The following EBF4 variants were observed in gnomAD, a reference collection of about 807,000 sequenced individuals.
EBF4 encodes EBF transcription factor 4.
A neutral mutation model predicts 67.1 loss-of-function variants in EBF4; 34 were observed. The ratio of observed to expected loss-of-function variants is 0.51; its 90% CI spans 0.39 to 0.67. The LOEUF is 0.67. EBF4 is among the 30% of genes least tolerant of loss of function. The probability of loss-of-function intolerance (pLI) is 0.00; values close to 1 mark genes in which losing one functional copy is unlikely to be tolerated. For missense variants in EBF4, 837 were observed against 873.3 expected, an observed-to-expected ratio of 0.96 and a Z score of 0.52; for synonymous variants, 387 against 377.7, an observed-to-expected ratio of 1.02 and a Z score of -0.29.
At chr20:2,701,171 G>A (rs1485456226) in intron 1 of EBF4, among the ~76,000 whole-genome samples, 1 of 152,234 alleles carries the variant, frequency 6.6e-6, no homozygotes, top group Non-Finnish European at 1.5e-5. Context: ...TGTGAGCCTG[G>A]GAGGATGAGT....
At chr20:2,705,826 CACACACACACA>C in intron 2 of EBF4, 93 bp downstream of exon 2, 1 of 1,390,952 alleles carries the variant, frequency 7.2e-7, no homozygotes, top group East Asian at 2.5e-5. Context: ...CACACACACA[CACACACACACA>C]CTGGGACAGA....
At chr20:2,728,025 A>G (rs1472918410) in intron 6 of EBF4, among the ~76,000 whole-genome samples, 2 of 152,198 alleles carry the variant, frequency 1.3e-5, no homozygotes, top group East Asian at 1.9e-4. Context: ...TTTTCACCCT[A>G]TTAATTGTGT....
intron 1 of EBF4, among the ~76,000 whole-genome samples, chr20:2,697,328 G>C (rs901537829): frequency 6.7e-6 from 1 of 150,302 alleles, no homozygotes; most frequent in East Asian, 1.9e-4. Flanking sequence ...GGCAGATCAC[G>C]AGGTCAGGAG....
intron 1 of EBF4, among the ~76,000 whole-genome samples, chr20:2,698,864 G>A (rs1349622457): frequency 6.6e-6 from 1 of 152,174 alleles, no homozygotes; most frequent in Non-Finnish European, 1.5e-5. Flanking sequence ...GTTTTGGTGG[G>A]GAGAAGGGAA....
At chr20:2,744,492 C>CTTTTTTTTTTTTTTTTTTTCT (rs35298353) in intron 6 of EBF4, among the ~76,000 whole-genome samples, 7 of 115,894 alleles carry the variant, frequency 6.0e-5, no homozygotes, top group East Asian at 2.4e-4. Context: ...TTTTTCTTTT[C>CTTTTTTTTTTTTTTTTTTTCT]TTTTTTTTTT....
exon 14 of EBF4, chr20:2,752,498 G>T: frequency 7.9e-7 from 1 of 1,258,608 alleles, no homozygotes; most frequent in South Asian, 3.1e-5. Context: ...GGCGTGCCTG[G>T]GTCCCCCAGC....
intron 6 of EBF4, among the ~76,000 whole-genome samples, chr20:2,744,834 A>G (rs541966771): frequency 2.0e-5 from 3 of 152,256 alleles, no homozygotes; most frequent in African/African-American, 7.2e-5. Context: ...TAGCCACAAG[A>G]AACTGATACA....
chr20:2,754,975 C>T (rs1446915287), intron 14 of EBF4: 1 of 105,126 alleles, frequency 9.5e-6, no homozygotes, highest in African/African-American at 2.9e-5. Context: ...AGACCACCCC[C>T]CCCCACAGGG....
chr20:2,705,976 G>T (rs976119296), exon 3 of EBF4: 1 of 1,551,364 alleles, frequency 6.4e-7, no homozygotes, highest in African/African-American at 1.4e-5. Context: ...CCCTGCAGGA[G>T]CCCGGGGCGG....
At position 2,741,769 on chromosome 20, in the gene EBF4, T is replaced by C. The variant is rs541103277; in HGVS notation, c.558-6780T>C. On this transcript the variant is annotated intron_variant, in intron 6 of 16. Coordinates refer to ENST00000609451, the Ensembl canonical transcript of EBF4. The stretch of plus-strand genomic sequence containing the variant: ...TACTTCATTAGTTGGATGACCACTG[T>C]TCACAGCTCTTCTTCTGGTCTTTCA... 1.1e-4 allele frequency among the ~76,000 whole-genome samples: 16 copies of C among 152,326 alleles called. 1 individual carries two copies. The South Asian group carries it at 3.3e-3, about 32-fold the overall frequency.
rs901246510 is a variant in EBF4, at chr20:2,745,317, G to A, written c.558-3232G>A. 5.3e-5 allele frequency among the ~76,000 whole-genome samples: 8 copies of A among 152,190 alleles called. No individual in the cohort carries two copies. Among genetic ancestry groups the A allele is most frequent in the Admixed American group, 1.3e-4 (2 of 15,278 alleles). The stretch of plus-strand genomic sequence containing the variant: ...TTTCAGCCACACCATGGATGGTTTC[G>A]ACTATGTGCTAGCTCTGAGGACAGG... On this transcript the variant is annotated intron_variant, in intron 6 of 16. Coordinates refer to ENST00000609451, the Ensembl canonical transcript of EBF4. The surrounding 1 kb of genome is among the most constrained non-coding windows in gnomAD (Gnocchi z 5.2).
chr20:2,749,308 A>G lies in EBF4; in HGVS notation c.640-93A>G. ...CCAGTGACCCTAAATTCCAGCATCC[A>G]ACCACCAGCCTCAAGGTGCTGGTTC... On this transcript the variant is annotated intron_variant, in intron 7 of 16. Transcript: ENST00000609451. 1.0e-5 allele frequency: 10 copies of G among 965,212 alleles called. No individual in the cohort carries two copies. In the South Asian group the frequency reaches 1.7e-4, roughly 16 times the overall value. 59.8% of individuals were successfully genotyped at this position (965,212 alleles called of 1,614,324 possible). A position where few individuals can be genotyped will look rare whatever the true frequency, so the allele number is the denominator to read the frequency against.
At chr20:2,702,427 C>CAA (rs11476966) in intron 1 of EBF4, among the ~76,000 whole-genome samples, 8 of 138,656 alleles carry the variant, frequency 5.8e-5, no homozygotes, top group African/African-American at 1.6e-4. Context: ...GATCCTGTCT[C>CAA]AAAAAAAAAA....
Position 2,709,745 on chromosome 20 carries a change from C to A in EBF4, c.557+103C>A, listed in dbSNP as rs6115646. The A allele has an allele frequency of 1.2e-5, 14 of 1,192,252 alleles. No individual in the cohort carries two copies. In the Admixed American group the frequency reaches 1.2e-4, roughly 10 times the overall value. The allele number at this position is 1,192,252 out of a possible 1,614,324, so 73.9% of individuals were successfully genotyped here. ...AGGCTCAAGGGAGGAGCGGAGCAGC[C>A]CCCCCGGGGCACCAGGTTGGGTGGC... is the stretch of plus-strand genomic sequence containing the variant. On this transcript the variant is annotated intron_variant, in intron 6 of 16. Coordinates refer to ENST00000609451, the Ensembl canonical transcript of EBF4.
At chr20:2,741,168 C>T (rs1208737331) in intron 6 of EBF4, among the ~76,000 whole-genome samples, 1 of 152,136 alleles carries the variant, frequency 6.6e-6, no homozygotes, top group Non-Finnish European at 1.5e-5. Flanking sequence ...ACAAAATTAG[C>T]TGAGCATGGT....
intron 10 of EBF4, 144 bp downstream of exon 10, chr20:2,750,117 C>A (rs1422501363): frequency 2.4e-6 from 3 of 1,232,802 alleles, no homozygotes; most frequent in South Asian, 1.7e-5. Context: ...CCCCTTTAAC[C>A]ACCTATGCCT....
chr20:2,737,041 A>C lies in EBF4; in HGVS notation c.558-11508A>C, dbSNP rs554861380. 2.1e-4 allele frequency among the ~76,000 whole-genome samples: 32 copies of C among 152,076 alleles called. No homozygotes were observed. In the South Asian group the frequency reaches 5.2e-3, roughly 25 times the overall value. On this transcript the variant is annotated intron_variant, in intron 6 of 16. Transcript: ENST00000609451. ...AAGGTGGGCAGATCACAAGGTCAGG[A>C]GATGGAGACCATCCTGGCTAACACG...
intron 6 of EBF4, among the ~76,000 whole-genome samples, chr20:2,731,715 A>G (rs2146447587): frequency 6.6e-6 from 1 of 152,328 alleles, no homozygotes; most frequent in East Asian, 1.9e-4. Context: ...GTCCGTGGGT[A>G]CCAGATGCCT....
In EBF4 at chr20:2,696,565, G is replaced by T. The variant is rs553492326; in HGVS notation, c.137+2783G>T. Among the ~76,000 whole-genome samples the T allele has an allele frequency of 6.6e-6, 1 of 152,116 alleles. No individual in the cohort carries two copies. The highest frequency in any genetic ancestry group is 1.5e-5 in the Non-Finnish European group (1 of 68,014). ...CTCATGGATATCTCCAACATTCAAG[G>T]CCTATCATGGTCTGACTCCAGCCTT... On this transcript the variant is annotated intron_variant, in intron 1 of 16. Transcript: ENST00000609451. The surrounding 1 kb of genome is among the most constrained non-coding windows in gnomAD (Gnocchi z 4.7).
Sources: allele counts gnomAD v4.1 joint callset (sites outside exome capture counted in the v4.1 genomes callset), GRCh38; gene constraint gnomAD v4.1.1; non-coding constraint Gnocchi (gnomAD v3.1); transcripts MANE v1.5; gene names NCBI Gene and HGNC (gene_info 2026-07-23, HGNC 2026-07-21).